The following SZT2 variants were observed in gnomAD, a reference collection of about 807,000 sequenced individuals.
The protein encoded by SZT2 is KICSTOR complex protein SZT2.
Under a neutral mutation model 404.2 loss-of-function variants are expected in SZT2, and 216 were observed. The ratio of observed to expected loss-of-function variants is 0.53; its 90% CI spans 0.48 to 0.60. The LOEUF (loss-of-function observed/expected upper bound fraction) is 0.60. SZT2 is among the 20% of genes least tolerant of loss of function. The pLI is 0.00. For synonymous variants in SZT2, 1,693 were observed against 1,749.9 expected, an observed-to-expected ratio of 0.97 and a Z score of 0.81; for missense variants, 3,857 against 4,459.2, an observed-to-expected ratio of 0.86 and a Z score of 3.85.
chr1:43,404,104 G>A, intron 3 of SZT2: 1 of 514,010 alleles, frequency 1.9e-6, no homozygotes, highest in Non-Finnish European at 3.5e-6. Flanking sequence ...CTACTCGGGA[G>A]GCTGAGGTGG....
Position 43,420,338 on chromosome 1 carries a change from G to T in SZT2, c.1261+15G>T, listed in dbSNP as rs1328599317. The stretch of plus-strand genomic sequence containing the variant: ...ACTGGCCAAAGGTAAGGGTCATTAG[G>T]CCCTGCTGTAATCCCATAGATCTCT... On this transcript the variant is annotated intron_variant, in intron 9 of 71. Transcript: ENST00000634258. The surrounding 1 kb of genome is among the most constrained non-coding windows in gnomAD (Gnocchi z 5.1). 6.4e-7 allele frequency: 1 copy of T among 1,564,470 alleles called. No homozygotes were observed. The highest frequency in any genetic ancestry group is 8.6e-7 in the Non-Finnish European group (1 of 1,160,902).
chr1:43,437,793 T>C lies in SZT2; in HGVS notation c.6399T>C (p.Gly2133=). 1 of 1,614,136 alleles carries C rather than the reference T, an allele frequency of 6.2e-7. No homozygotes were observed. Among genetic ancestry groups the C allele is most frequent in the Non-Finnish European group, 8.5e-7 (1 of 1,180,016 alleles). ...CCTGACCACAGTTTTCCCTGTAGGGTCCTCGTTCTCCCTTAGACATGGTCT... is the reference window on the plus strand; with the variant it reads ...CCTGACCACAGTTTTCCCTGTAGGGCCCTCGTTCTCCCTTAGACATGGTCT... ...QEPIYSEEAS[G]PRSPLDMVSS... is the part of the protein sequence containing the mutation. The change falls in exon 46 of 72, where the codon GGT becomes GGC. Residue 2133 remains glycine, a splice_region_variant and synonymous_variant. Transcript: ENST00000634258. The surrounding 1 kb of genome is among the most constrained non-coding windows in gnomAD (Gnocchi z 5.3).
intron 42 of SZT2, among the ~76,000 whole-genome samples, 195 bp downstream of exon 42, chr1:43,435,524 C>T (rs551937583): frequency 3.3e-5 from 5 of 152,244 alleles, no homozygotes; most frequent in Admixed American, 2.6e-4. Flanking sequence ...CAGTGATTTT[C>T]ATGGAAGTAA....
At position 43,451,770 on chromosome 1, in the gene SZT2, G is replaced by T. The variant is rs367654718; in HGVS notation, c.*1290G>T. 5.0e-6 allele frequency: 8 copies of T among 1,613,798 alleles called. No homozygotes were observed. Among genetic ancestry groups the T allele is most frequent in the African/African-American group, 2.7e-5 (2 of 74,902 alleles). ...ACCCCGCAGGCCCCGCCCTCCTTCC[G>T]ATCTGCGAAGTACCCCCTTCCACTT... is the stretch of plus-strand genomic sequence containing the variant. On this transcript the variant is annotated 3_prime_UTR_variant, in exon 72 of 72. Coordinates refer to ENST00000634258, the MANE Select transcript of SZT2 (RefSeq NM_001365999.1).
At chr1:43,394,558 A>G (rs750448869) in intron 1 of SZT2, among the ~76,000 whole-genome samples, 2 of 152,218 alleles carry the variant, frequency 1.3e-5, no homozygotes, top group Non-Finnish European at 2.9e-5. Context: ...TTGAAAGTGA[A>G]GAGAACTTAG....
At chr1:43,431,428 G>A (rs1401573391) in intron 34 of SZT2, 32 bp from the exon 35 acceptor site, 1 of 1,613,816 alleles carries the variant, frequency 6.2e-7, no homozygotes, top group Non-Finnish European at 8.5e-7. Context: ...TCATTTTCTG[G>A]AAACCAATAT....
intron 42 of SZT2, 34 bp downstream of exon 42, chr1:43,435,363 C>T: frequency 6.2e-7 from 1 of 1,611,438 alleles, no homozygotes; most frequent in Non-Finnish European, 8.5e-7. Context: ...CCTCACAAGG[C>T]AGTGCTGCCG....
intron 3 of SZT2, chr1:43,404,016 C>T: frequency 1.8e-6 from 1 of 551,058 alleles, no homozygotes; most frequent in Admixed American, 3.1e-5. Context: ...TCGAGACTAG[C>T]CTGGGCCACA....
chr1:43,425,065 TC>T lies in SZT2; in HGVS notation c.2551-47del. The T allele has an allele frequency of 6.2e-7, 1 of 1,608,162 alleles. No individual in the cohort carries two copies. The highest frequency in any genetic ancestry group is 8.5e-7 in the Non-Finnish European group (1 of 1,174,614). Reference sequence around the variant, plus strand: ...AGGGCCAGAGCTAGGCCAGGCCAGATCTCTGCCTTGGCTGGGATTTGCCCAA... The same window carrying T: ...AGGGCCAGAGCTAGGCCAGGCCAGATTCTGCCTTGGCTGGGATTTGCCCAA... On this transcript the variant is annotated intron_variant, in intron 17 of 71. Transcript: ENST00000634258. This position sits in a 1 kb window ranked among gnomAD's most constrained non-coding sequence, Gnocchi z 4.3.
Position 43,438,821 on chromosome 1 carries a change from A to C in SZT2, c.6627+4A>C, listed in dbSNP as rs768673635. The C allele has an allele frequency of 1.2e-6, 2 of 1,612,814 alleles. No homozygotes were observed. The highest frequency in any genetic ancestry group is 2.2e-5 in the South Asian group (2 of 90,966). On this transcript the variant is annotated splice_donor_region_variant and intron_variant, in intron 47 of 71. Coordinates refer to ENST00000634258, the MANE Select transcript of SZT2 (RefSeq NM_001365999.1). The stretch of plus-strand genomic sequence containing the variant: ...GCTGACACCAGCTGATGTGGAGGTC[A>C]GCTCCCCTCTAGGCACCAGCATCCT...
At chr1:43,418,818 G>T (rs1289513088) in intron 7 of SZT2, among the ~76,000 whole-genome samples, 1 of 152,170 alleles carries the variant, frequency 6.6e-6, no homozygotes, top group Non-Finnish European at 1.5e-5. Flanking sequence ...TCAAGGCCTG[G>T]CAGTCTCAGT....
Position 43,443,591 on chromosome 1 carries a change from T to C in SZT2, c.8626-6T>C, listed in dbSNP as rs1655328617. 6.2e-7 allele frequency: 1 copy of C among 1,613,896 alleles called. No individual in the cohort carries two copies. The highest frequency in any genetic ancestry group is 1.7e-5 in the Admixed American group (1 of 59,998). ...GGAGAGTCTTCCTTGATCTTTACTC[T>C]CATAGCGGCGCCATCGCCCTGAGTC... On this transcript the variant is annotated splice_region_variant and splice_polypyrimidine_tract_variant and intron_variant, in intron 61 of 71. Coordinates refer to ENST00000634258, the MANE Select transcript of SZT2 (RefSeq NM_001365999.1).
Position 43,424,292 on chromosome 1 carries a change from G to C in SZT2, c.2331G>C (p.Val777=). 2.5e-6 allele frequency: 4 copies of C among 1,598,018 alleles called. No homozygotes were observed. Among genetic ancestry groups the C allele is most frequent in the Non-Finnish European group, 3.4e-6 (4 of 1,179,570 alleles). ...AGCCACCAGGTCCACTGCCCTTGGT[G>C]TCAGGCCGCTCAGCCTCTTCTAGCC... is the stretch of plus-strand genomic sequence containing the variant. ...TLEPPGPLPL[V]SGRSASSSLA... is the part of the protein sequence containing the mutation. Residue 777 remains valine, a synonymous_variant, in exon 16 of 72, where the codon GTG becomes GTC. Coordinates refer to ENST00000634258, the MANE Select transcript of SZT2 (RefSeq NM_001365999.1). This position sits in a 1 kb window ranked among gnomAD's most constrained non-coding sequence, Gnocchi z 4.1.
intron 26 of SZT2, 27 bp downstream of exon 26, chr1:43,427,761 T>A (rs1182725152): frequency 1.2e-6 from 2 of 1,608,346 alleles, no homozygotes; most frequent in Non-Finnish European, 1.7e-6. Flanking sequence ...TTGACCTAAG[T>A]CCTCGCCGGG....
chr1:43,423,440 G>C, intron 15 of SZT2, 124 bp downstream of exon 15: 1 of 998,290 alleles, frequency 1.0e-6, no homozygotes, highest in Non-Finnish European at 1.4e-6. Context: ...AGTGGGGTAT[G>C]AGTGGTACAA....
chr1:43,431,725 T>C lies in SZT2; in HGVS notation c.5098T>C (p.Leu1700=). 1 of 1,614,070 alleles carries C rather than the reference T, an allele frequency of 6.2e-7. No individual in the cohort carries two copies. Among genetic ancestry groups the C allele is most frequent in the African/African-American group, 1.3e-5 (1 of 75,018 alleles). ...IETTMNEIRW[L]LEDEMVGALR... ...TGCTGTCTAACTGTAGATCCGCTGG[T>C]TGTTGGAAGATGAGATGGTGGGGGC... is the stretch of plus-strand genomic sequence containing the variant. Residue 1700 remains leucine, a synonymous_variant, in exon 36 of 72, where the codon TTG becomes CTG. Coordinates refer to ENST00000634258, the MANE Select transcript of SZT2 (RefSeq NM_001365999.1).
intron 1 of SZT2, among the ~76,000 whole-genome samples, chr1:43,399,406 C>T (rs913339478): frequency 2.6e-5 from 4 of 152,022 alleles, no homozygotes; most frequent in African/African-American, 4.8e-5. Context: ...ACTGTCATCT[C>T]CCCTAGTTGT....
chr1:43,422,660 C>CT, intron 13 of SZT2, 28 bp downstream of exon 13: 1 of 877,180 alleles, frequency 1.1e-6, no homozygotes, highest in Non-Finnish European at 1.5e-6. Flanking sequence ...CCTTCACCCC[C>CT]CGCCCCCCCA....
rs756050426 is a variant in SZT2, at chr1:43,431,769, C to T, written c.5142C>T (p.Ile1714=). ...TGGGGGCACTCCGAAGAGGGGGCAT[C>T]CCACAGAGTCCTGCCCTGCACCGCG... ...EMVGALRRGG[I]PQSPALHRAA... The change falls in exon 36 of 72, where the codon ATC becomes ATT. Residue 1714 remains isoleucine (I), a synonymous_variant. Transcript: ENST00000634258. 1.3e-4 allele frequency: 215 copies of T among 1,614,140 alleles called. No individual in the cohort carries two copies. Among genetic ancestry groups the T allele is most frequent in the Non-Finnish European group, 1.7e-4 (195 of 1,180,056 alleles).
Sources: gnomAD v4.1 joint callset for allele counts (sites outside exome capture counted in the v4.1 genomes callset) on GRCh38, gnomAD v4.1.1 for gene constraint, Gnocchi (gnomAD v3.1) non-coding constraint, MANE v1.5 for transcripts, NCBI Gene and HGNC (gene_info 2026-07-23, HGNC 2026-07-21) for gene names.